The following MYBPC1 variants were observed in gnomAD, a reference collection of about 807,000 sequenced individuals.
MYBPC1 encodes the protein myosin-binding protein C, slow-type.
MYBPC1 carries 52 observed loss-of-function variants against 147.1 expected under a neutral mutation model. That is an observed-to-expected ratio of 0.35 (90% CI 0.28 to 0.45). The LOEUF (loss-of-function observed/expected upper bound fraction) is 0.45, where lower values mean the gene tolerates loss of function less well. Among genes scored for constraint, MYBPC1 ranks in the 20% least tolerant of loss-of-function variants. MYBPC1 has a pLI of 1.00. For missense variants in MYBPC1, 1,228 were observed against 1,440.3 expected, an observed-to-expected ratio of 0.85 and a Z score of 2.39; for synonymous variants, 477 against 475.9, an observed-to-expected ratio of 1.00 and a Z score of -0.03.
Position 101,675,285 on chromosome 12 carries a change from C to T in MYBPC1, c.2810-7C>T. 1 of 1,613,954 alleles carries T rather than the reference C, an allele frequency of 6.2e-7. No individual in the cohort carries two copies. On this transcript the variant is annotated splice_region_variant and splice_polypyrimidine_tract_variant and intron_variant, in intron 25 of 31. Transcript: ENST00000361466. ...CCTTGCAGTGACACCATGAATTCAT[C>T]CTGTAGACCGTCCAGGTCCACCCCA...
intron 1 of MYBPC1, among the ~76,000 whole-genome samples, chr12:101,614,067 T>C (rs1287540825): frequency 3.3e-5 from 5 of 152,136 alleles, no homozygotes; most frequent in Non-Finnish European, 7.4e-5. Context: ...ACCCATTGTG[T>C]TTCACTTCAT....
At position 101,594,978 on chromosome 12, in the gene MYBPC1, C is replaced by T. The variant is rs78173516; in HGVS notation, c.-93C>T. 12,547 of 1,236,734 alleles carry T rather than the reference C, an allele frequency of 0.01. 85 individuals carry two copies. Among genetic ancestry groups the T allele is most frequent in the Non-Finnish European group, 0.012 (10,464 of 848,794 alleles). 76.6% of individuals were successfully genotyped at this position (1,236,734 alleles called of 1,614,324 possible). Reference sequence around the variant, plus strand: ...GTTTCTCCCCAACTGCTTGTCACACCGACCTGCACCATCTCTCGCCTGCCT... The same window carrying T: ...GTTTCTCCCCAACTGCTTGTCACACTGACCTGCACCATCTCTCGCCTGCCT... On this transcript the variant is annotated 5_prime_UTR_variant, in exon 1 of 32. Transcript: ENST00000361466.
At chr12:101,666,554 G>A in intron 22 of MYBPC1, 1 of 591,352 alleles carries the variant, frequency 1.7e-6, no homozygotes, top group Non-Finnish European at 3.1e-6. Context: ...GCCACAGTCT[G>A]CACAGAGCAG....
chr12:101,666,997 T>C (rs1303085613), intron 22 of MYBPC1, among the ~76,000 whole-genome samples: 1 of 151,966 alleles, frequency 6.6e-6, no homozygotes, highest in Non-Finnish European at 1.5e-5. Context: ...GATCAAAGTC[T>C]TCTTTCTTTC....
intron 3 of MYBPC1, among the ~76,000 whole-genome samples, chr12:101,618,625 C>A (rs894694903): frequency 9.2e-5 from 14 of 152,172 alleles, no homozygotes; most frequent in African/African-American, 3.4e-4. Flanking sequence ...GTGCCTGACC[C>A]TTAATTTGAA....
chr12:101,608,563 G>A (rs1883113981), intron 1 of MYBPC1, among the ~76,000 whole-genome samples: 1 of 152,220 alleles, frequency 6.6e-6, no homozygotes, highest in East Asian at 1.9e-4. Flanking sequence ...GATTTAGAGA[G>A]CTTGCCAAAG....
chr12:101,653,287 C>G (rs1894896103), intron 18 of MYBPC1, 39 bp downstream of exon 18: 1 of 1,609,706 alleles, frequency 6.2e-7, no homozygotes, highest in East Asian at 2.2e-5. Flanking sequence ...TGCACACACA[C>G]ATATGCAGAC....
chr12:101,627,761 C>A lies in MYBPC1; in HGVS notation c.143-8C>A. On this transcript the variant is annotated splice_polypyrimidine_tract_variant and splice_region_variant and intron_variant, in intron 4 of 31. Coordinates refer to ENST00000361466, the MANE Select transcript of MYBPC1 (RefSeq NM_002465.4). ...CTCTGCATCACCCAAATCACACTTTCCTTTCAGGTTTGGGTAGTCGGGCCC... is the reference window on the plus strand; with the variant it reads ...CTCTGCATCACCCAAATCACACTTTACTTTCAGGTTTGGGTAGTCGGGCCC... 3 of 1,613,754 alleles carry A rather than the reference C, an allele frequency of 1.9e-6. No homozygotes were observed. Among genetic ancestry groups the A allele is most frequent in the Non-Finnish European group, 2.5e-6 (3 of 1,179,764 alleles).
At chr12:101,684,348 C>A in intron 30 of MYBPC1, 34 bp from the exon 31 acceptor site, 1 of 1,397,706 alleles carries the variant, frequency 7.2e-7, no homozygotes, top group South Asian at 1.1e-5. Context: ...ATGCTTACGA[C>A]TTCTCTCTCT....
intron 1 of MYBPC1, among the ~76,000 whole-genome samples, chr12:101,596,151 A>T (rs1877156843): frequency 6.6e-6 from 1 of 152,194 alleles, no homozygotes; most frequent in South Asian, 2.1e-4. Context: ...ACCTTGAAAA[A>T]GATGTTGAAA....
chr12:101,678,772 A>G (rs1313420874), intron 28 of MYBPC1, among the ~76,000 whole-genome samples: 1 of 152,250 alleles, frequency 6.6e-6, no homozygotes, highest in Non-Finnish European at 1.5e-5. Flanking sequence ...AATATCGCCC[A>G]TAGAGATGTA....
At chr12:101,629,210 A>G (rs1316421811) in intron 5 of MYBPC1, 2 of 541,018 alleles carry the variant, frequency 3.7e-6, no homozygotes, top group South Asian at 2.0e-5. Flanking sequence ...TCTAAGAATT[A>G]CATAATGTTC....
chr12:101,660,434 A>G, intron 19 of MYBPC1: 1 of 168,280 alleles, frequency 5.9e-6, no homozygotes, highest in Non-Finnish European at 1.3e-5. Context: ...CAACAACCAC[A>G]ACAACCATAT....
At chr12:101,632,469 G>A (rs2136066536) in intron 8 of MYBPC1, among the ~76,000 whole-genome samples, 1 of 152,188 alleles carries the variant, frequency 6.6e-6, no homozygotes, top group East Asian at 1.9e-4. Context: ...TTGGGGATAG[G>A]GTAATATGCT....
At chr12:101,627,686 G>GAATC in intron 4 of MYBPC1, 83 bp from the exon 5 acceptor site, 1 of 1,485,366 alleles carries the variant, frequency 6.7e-7, no homozygotes, top group South Asian at 1.1e-5. Flanking sequence ...GGGTTTAGGG[G>GAATC]AATCCAAGAA....
chr12:101,613,394 T>C (rs1884956877), intron 1 of MYBPC1, among the ~76,000 whole-genome samples: 1 of 152,188 alleles, frequency 6.6e-6, no homozygotes, highest in African/African-American at 2.4e-5. Context: ...TGACAAAGGC[T>C]CCCAGGATTC....
At position 101,642,419 on chromosome 12, in the gene MYBPC1, G is replaced by A; in HGVS notation, c.666G>A (p.Arg222=). Residue 222 remains arginine, a splice_region_variant and synonymous_variant, in exon 11 of 32, where the codon AGG becomes AGA. Transcript: ENST00000361466. ...ELDFSGLLKR[R]EVKQQEEEPQ... is the part of the protein sequence containing the mutation. ...CTAGACCATGGTTCTCCCCGGTTAG[G>A]GAGGTGAAGCAGCAGGAGGAAGAAC... 1 of 1,614,084 alleles carries A rather than the reference G, an allele frequency of 6.2e-7. No individual in the cohort carries two copies. The highest frequency in any genetic ancestry group is 8.5e-7 in the Non-Finnish European group (1 of 1,180,024).
At position 101,631,396 on chromosome 12, in the gene MYBPC1, A is replaced by C. The variant is rs770546153; in HGVS notation, c.290-175A>C. 1.6e-4 allele frequency among the ~76,000 whole-genome samples: 24 copies of C among 152,346 alleles called. 1 individual carries two copies. In the Middle Eastern group the frequency reaches 0.01, roughly 65 times the overall value. ...CCCCCACAGCAGAACAAGCTGGGAC[A>C]GCCTAAGGACCTCTAGAGCATTCAT... On this transcript the variant is annotated intron_variant, in intron 6 of 31. Coordinates refer to ENST00000361466, the MANE Select transcript of MYBPC1 (RefSeq NM_002465.4).
chr12:101,618,945 C>T (rs1886783063), intron 3 of MYBPC1, among the ~76,000 whole-genome samples: 1 of 146,544 alleles, frequency 6.8e-6, no homozygotes, highest in Non-Finnish European at 1.5e-5. Context: ...TATGTATTTG[C>T]CTTACATACC....
Sources: allele counts gnomAD v4.1 joint callset (sites outside exome capture counted in the v4.1 genomes callset), GRCh38; gene constraint gnomAD v4.1.1; transcripts MANE v1.5; gene names NCBI Gene and HGNC (gene_info 2026-07-23, HGNC 2026-07-21).